The following KIF16B variants were observed in gnomAD, a reference collection of about 807,000 sequenced individuals.
KIF16B encodes kinesin family member 16B.
A neutral mutation model predicts 156.3 loss-of-function variants in KIF16B; 98 were observed. The observed-to-expected ratio is 0.63, with a 90% confidence interval of 0.53 to 0.74. The LOEUF (loss-of-function observed/expected upper bound fraction) is 0.74. KIF16B is among the 30% of genes least tolerant of loss of function. KIF16B has a pLI of 0.00. For missense variants in KIF16B, 1,421 were observed against 1,606.5 expected, an observed-to-expected ratio of 0.88 and a Z score of 1.97; for synonymous variants, 564 against 583.7, an observed-to-expected ratio of 0.97 and a Z score of 0.49.
At chr20:16,430,579 T>C (rs1175927292) in intron 12 of KIF16B, among the ~76,000 whole-genome samples, 1 of 152,156 alleles carries the variant, frequency 6.6e-6, no homozygotes, top group Non-Finnish European at 1.5e-5. Flanking sequence ...TCTGTGCCTT[T>C]TAGAGAAAAC....
rs143809167 is a variant in KIF16B, at chr20:16,535,049, T to C, written c.48-6609A>G. Among the ~76,000 whole-genome samples, 80 of 152,284 alleles carry C rather than the reference T, an allele frequency of 5.3e-4. 1 individual carries two copies. The highest frequency in any genetic ancestry group is 1.9e-3 in the African/African-American group (79 of 41,560). ...TCTCTGAAAAACAATGTTGGTATTTTGATAGGGATTGCACTGAAATTGTAG... is the reference window on the plus strand; with the variant it reads ...TCTCTGAAAAACAATGTTGGTATTTCGATAGGGATTGCACTGAAATTGTAG... On this transcript the variant is annotated intron_variant, in intron 1 of 25. Coordinates refer to ENST00000354981, the MANE Select transcript of KIF16B (RefSeq NM_024704.5).
intron 15 of KIF16B, among the ~76,000 whole-genome samples, chr20:16,415,413 C>T (rs996554700): frequency 2.0e-5 from 3 of 152,126 alleles, no homozygotes; most frequent in African/African-American, 4.8e-5. Context: ...CTTCCTTCAG[C>T]TCCCAAAGTC....
At chr20:16,557,156 T>TACAAACACACAC (rs113887018) in intron 1 of KIF16B, among the ~76,000 whole-genome samples, 1 of 119,816 alleles carries the variant, frequency 8.3e-6, no homozygotes, top group African/African-American at 3.3e-5. Context: ...ACTATATATA[T>TACAAACACACAC]ATACACACAC....
intron 1 of KIF16B, among the ~76,000 whole-genome samples, chr20:16,550,648 C>T (rs1313305215): frequency 6.6e-6 from 1 of 151,194 alleles, no homozygotes; most frequent in African/African-American, 2.4e-5. Context: ...ATCCTCCCAC[C>T]TCAGCCTCCC....
intron 24 of KIF16B, among the ~76,000 whole-genome samples, chr20:16,334,311 A>G (rs2063998349): frequency 1.3e-5 from 2 of 152,250 alleles, no homozygotes; most frequent in Non-Finnish European, 2.9e-5. Flanking sequence ...TGCAAAGCTC[A>G]CTTTAAAAAC....
chr20:16,344,914 C>T (rs2064203814), intron 23 of KIF16B, among the ~76,000 whole-genome samples: 1 of 152,174 alleles, frequency 6.6e-6, no homozygotes, highest in Non-Finnish European at 1.5e-5. Flanking sequence ...TCCCTTCCTT[C>T]AAAACCTCTT....
intron 3 of KIF16B, among the ~76,000 whole-genome samples, chr20:16,521,745 G>GA (rs1209960674): frequency 6.6e-6 from 1 of 152,092 alleles, no homozygotes; most frequent in Admixed American, 6.5e-5. Context: ...GGAAATGAAG[G>GA]AAAAAATGTT....
intron 12 of KIF16B, among the ~76,000 whole-genome samples, chr20:16,450,413 C>T (rs1304197476): frequency 6.6e-6 from 1 of 152,102 alleles, no homozygotes; most frequent in African/African-American, 2.4e-5. Context: ...GCCAGGTCAG[C>T]CTGAGGGTTG....
At chr20:16,522,691 C>T (rs1162513546) in intron 3 of KIF16B, among the ~76,000 whole-genome samples, 1 of 152,194 alleles carries the variant, frequency 6.6e-6, no homozygotes, top group African/African-American at 2.4e-5. Flanking sequence ...CTATAGAACT[C>T]TCCACCCCAA....
At chr20:16,477,914 A>G (rs1331470032) in intron 12 of KIF16B, among the ~76,000 whole-genome samples, 1 of 152,098 alleles carries the variant, frequency 6.6e-6, no homozygotes, top group Non-Finnish European at 1.5e-5. Flanking sequence ...GAGAAAGGAA[A>G]TGAAGCAAGC....
chr20:16,380,308 A>C, intron 18 of KIF16B, 145 bp from the exon 19 acceptor site: 1 of 674,152 alleles, frequency 1.5e-6, no homozygotes, highest in Non-Finnish European at 2.2e-6. Flanking sequence ...CTTTCCTTTA[A>C]ATTTCCAGCA....
intron 12 of KIF16B, among the ~76,000 whole-genome samples, chr20:16,449,398 A>T (rs1240268336): frequency 1.3e-5 from 2 of 152,276 alleles, no homozygotes; most frequent in Non-Finnish European, 2.9e-5. Flanking sequence ...GCTCCAGAAC[A>T]TAAGAAAGTG....
chr20:16,551,960 A>G (rs1465195924), intron 1 of KIF16B, among the ~76,000 whole-genome samples: 1 of 152,218 alleles, frequency 6.6e-6, no homozygotes, highest in Non-Finnish European at 1.5e-5. Context: ...CGCGGAGCTA[A>G]CATATAATGT....
At chr20:16,485,862 CACACATATATAT>C (rs2068098343) in intron 12 of KIF16B, among the ~76,000 whole-genome samples, 2 of 151,958 alleles carry the variant, frequency 1.3e-5, no homozygotes, top group African/African-American at 4.8e-5. Context: ...TCCACACATA[CACACATATATAT>C]ACACATATAT....
intron 1 of KIF16B, among the ~76,000 whole-genome samples, chr20:16,565,937 A>G (rs1366168516): frequency 3.3e-5 from 5 of 152,232 alleles, no homozygotes; most frequent in Admixed American, 3.3e-4. Flanking sequence ...CAACTGCAAA[A>G]AGCAGGATAT....
intron 17 of KIF16B, among the ~76,000 whole-genome samples, chr20:16,393,823 G>A (rs1055272179): frequency 5.9e-5 from 9 of 152,212 alleles, no homozygotes; most frequent in Admixed American, 4.6e-4. Flanking sequence ...ACATTTACAT[G>A]GAGATTTTGG....
chr20:16,326,815 A>G (rs2063858594), intron 24 of KIF16B, among the ~76,000 whole-genome samples: 1 of 151,976 alleles, frequency 6.6e-6, no homozygotes, highest in Non-Finnish European at 1.5e-5. Flanking sequence ...CAGCAAGCCT[A>G]CTACTGGGTA....
At chr20:16,489,526 A>C (rs1025050345) in intron 12 of KIF16B, among the ~76,000 whole-genome samples, 1 of 152,220 alleles carries the variant, frequency 6.6e-6, no homozygotes, top group South Asian at 2.1e-4. Flanking sequence ...GTAAAACCCC[A>C]TCTTTATAAA....
intron 20 of KIF16B, among the ~76,000 whole-genome samples, chr20:16,372,606 C>T (rs12480255): frequency 0.18 from 27,307 of 152,202 alleles, 2,576 homozygotes; most frequent in East Asian, 0.3. Flanking sequence ...ATTTTATCTT[C>T]ATCGAAAATC....
Sources: gnomAD v4.1 joint callset for allele counts (sites outside exome capture counted in the v4.1 genomes callset) on GRCh38, gnomAD v4.1.1 for gene constraint, MANE v1.5 for transcripts, NCBI Gene and HGNC (gene_info 2026-07-23, HGNC 2026-07-21) for gene names.